Variants in EIF4E1B observed in about 807,000 individuals in gnomAD.
The protein encoded by EIF4E1B is eukaryotic translation initiation factor 4E family member 1B.
EIF4E1B carries 22 observed loss-of-function variants against 31.3 expected under a neutral mutation model. That is an observed-to-expected ratio of 0.70 (90% CI 0.50 to 1.00). The LOEUF (loss-of-function observed/expected upper bound fraction) is 1.00. EIF4E1B is among the 50% of genes least tolerant of loss of function. The pLI, the probability that EIF4E1B is intolerant of heterozygous loss-of-function variation, is 0.00. For missense variants in EIF4E1B, 290 were observed against 311.6 expected (o/e 0.93, Z 0.52); for synonymous variants, 126 against 120.2 (o/e 1.05, Z -0.31).
At chr5:176,633,685 A>G (rs1340521344) in intron 1 of EIF4E1B, among the ~76,000 whole-genome samples, 3 of 152,184 alleles carry the variant, frequency 2.0e-5, no homozygotes, top group Non-Finnish European at 4.4e-5. Context: ...CTTGGGATTA[A>G]GAACTCCTGA....
chr5:176,631,265 A>G (rs1394886351), intron 1 of EIF4E1B, among the ~76,000 whole-genome samples: 1 of 152,258 alleles, frequency 6.6e-6, no homozygotes, highest in Non-Finnish European at 1.5e-5. Context: ...CTGACAAAAG[A>G]CAGCGCAGCT....
In EIF4E1B at chr5:176,646,222, A is replaced by C; in HGVS notation, c.*242A>C. The stretch of plus-strand genomic sequence containing the variant: ...ACAGGACAGCAGCAGGGTGGAAAAA[A>C]CTCCTGAGGGTGGGGTGAGTCATGG... On this transcript the variant is annotated 3_prime_UTR_variant, in exon 9 of 9. Transcript: ENST00000318682. 6 of 431,416 alleles carry C rather than the reference A, an allele frequency of 1.4e-5. No individual in the cohort carries two copies. The highest frequency in any genetic ancestry group is 8.1e-5 in the South Asian group (2 of 24,638). 26.7% of individuals were successfully genotyped at this position (431,416 alleles called of 1,614,324 possible). A position where few individuals can be genotyped will look rare whatever the true frequency, so the allele number is the denominator to read the frequency against.
rs746178693 is a variant in EIF4E1B, at chr5:176,645,847, G to C, written c.615-19G>C. On this transcript the variant is annotated intron_variant, in intron 8 of 8. Transcript: ENST00000318682. This position sits in a 1 kb window ranked among gnomAD's most constrained non-coding sequence, Gnocchi z 5.4. ...TGACTACCTGTGTCTCTTTTCCTCTGTGTCCCCCGCACCTGCAGGCGTGTA... is the reference window on the plus strand; with the variant it reads ...TGACTACCTGTGTCTCTTTTCCTCTCTGTCCCCCGCACCTGCAGGCGTGTA... The C allele has an allele frequency of 2.3e-5, 35 of 1,552,858 alleles. No homozygotes were observed. Among genetic ancestry groups the C allele is most frequent in the African/African-American group, 1.1e-4 (8 of 72,768 alleles).
rs2113449338 is a variant in EIF4E1B, at chr5:176,645,094, C to T, written c.361-36C>T. On this transcript the variant is annotated intron_variant, in intron 6 of 8. Coordinates refer to ENST00000318682, the MANE Select transcript of EIF4E1B (RefSeq NM_001099408.2). This position sits in a 1 kb window ranked among gnomAD's most constrained non-coding sequence, Gnocchi z 5.4. Reference sequence around the variant, plus strand: ...GGGTGGGTCCCCATTTCCCTTTGAACACAGGGAGGCAGTTGACTTGCCATC... The same window carrying T: ...GGGTGGGTCCCCATTTCCCTTTGAATACAGGGAGGCAGTTGACTTGCCATC... 1 of 1,531,338 alleles carries T rather than the reference C, an allele frequency of 6.5e-7. No individual in the cohort carries two copies. Among genetic ancestry groups the T allele is most frequent in the Non-Finnish European group, 8.8e-7 (1 of 1,131,214 alleles). 94.9% of individuals were successfully genotyped at this position (1,531,338 alleles called of 1,614,324 possible). A position where few individuals can be genotyped will look rare whatever the true frequency, so the allele number is the denominator to read the frequency against.
In EIF4E1B at chr5:176,642,666, G is replaced by A. The variant is rs1189050651; in HGVS notation, c.-78-44G>A. On this transcript the variant is annotated intron_variant, in intron 2 of 8. Transcript: ENST00000318682. ...TCACCCTCCACGGGATGCAGACCTT[G>A]CTTTCCCTTCGAGCAGGCTCCAAAT... is the stretch of plus-strand genomic sequence containing the variant. 5 of 1,472,954 alleles carry A rather than the reference G, an allele frequency of 3.4e-6. No individual in the cohort carries two copies. The African/African-American group carries it at 5.6e-5, about 17-fold the overall frequency. 91.2% of individuals were successfully genotyped at this position (1,472,954 alleles called of 1,614,324 possible). A position where few individuals can be genotyped will look rare whatever the true frequency, so the allele number is the denominator to read the frequency against.
Position 176,642,622 on chromosome 5 carries a change from T to C in EIF4E1B, c.-78-88T>C, listed in dbSNP as rs55652220. ...TCTGCTTCTGCCATCGGCAGGGCCGTCCACCTCACATTCTGGGGTCACCCT... is the reference window on the plus strand; with the variant it reads ...TCTGCTTCTGCCATCGGCAGGGCCGCCCACCTCACATTCTGGGGTCACCCT... On this transcript the variant is annotated intron_variant, in intron 2 of 8. Transcript: ENST00000318682. 2.6e-3 allele frequency: 3,008 copies of C among 1,152,134 alleles called. 64 individuals carry two copies. In the African/African-American group the frequency reaches 0.042, roughly 16 times the overall value. 71.4% of individuals were successfully genotyped at this position (1,152,134 alleles called of 1,614,324 possible). A position where few individuals can be genotyped will look rare whatever the true frequency, so the allele number is the denominator to read the frequency against.
chr5:176,644,239 A>C, intron 5 of EIF4E1B, 137 bp from the exon 6 acceptor site: 1 of 837,964 alleles, frequency 1.2e-6, no homozygotes. Flanking sequence ...ACGGGAGTGG[A>C]ATCCCAGGTG....
At chr5:176,641,994 C>A (rs1276979829) in intron 1 of EIF4E1B, 49 bp from the exon 2 acceptor site, 1 of 152,496 alleles carries the variant, frequency 6.6e-6, no homozygotes, top group Non-Finnish European at 1.5e-5. Context: ...TCATTTAATA[C>A]CCTCAACAAG....
intron 1 of EIF4E1B, among the ~76,000 whole-genome samples, chr5:176,631,278 A>AG (rs1168545960): frequency 1.3e-5 from 2 of 152,256 alleles, no homozygotes; most frequent in African/African-American, 4.8e-5. Context: ...GCGCAGCTGG[A>AG]GAGCCAGGAT....
intron 1 of EIF4E1B, 76 bp from the exon 2 acceptor site, chr5:176,641,967 G>T (rs372090381): frequency 2.0e-5 from 3 of 152,710 alleles, no homozygotes; most frequent in African/African-American, 7.2e-5. Context: ...TGTTCTACGG[G>T]TTCTATGTGT....
chr5:176,633,978 C>T lies in EIF4E1B; in HGVS notation c.-202+2914C>T, dbSNP rs537357325. Among the ~76,000 whole-genome samples the T allele has an allele frequency of 8.5e-5, 13 of 152,206 alleles. No individual in the cohort carries two copies. The South Asian group carries it at 2.5e-3, about 29-fold the overall frequency. On this transcript the variant is annotated intron_variant, in intron 1 of 8. Transcript: ENST00000318682. ...GCCTGAACTACAGAAGCCCGGGTGA[C>T]GCTGGAGCAGGGCTGGAAGGAGAGA...
intron 4 of EIF4E1B, 130 bp from the exon 5 acceptor site, chr5:176,643,509 G>A: frequency 2.1e-6 from 2 of 931,834 alleles, no homozygotes; most frequent in Non-Finnish European, 3.3e-6. Flanking sequence ...CCTGAGAGGG[G>A]AATGCTGTGC....
rs112903880 is a variant in EIF4E1B at position 176,644,360 on chromosome 5, C to G, written c.297-16C>G. Reference sequence around the variant, plus strand: ...AAAGCCTTGACTTTTGGCATGGGGTCGGGGGCTCTGTCCAGGCTATACAGT... The same window carrying G: ...AAAGCCTTGACTTTTGGCATGGGGTGGGGGGCTCTGTCCAGGCTATACAGT... On this transcript the variant is annotated splice_polypyrimidine_tract_variant and intron_variant, in intron 5 of 8. Transcript: ENST00000318682. 204 of 1,580,124 alleles carry G rather than the reference C, an allele frequency of 1.3e-4. No homozygotes were observed. In the African/African-American group the frequency reaches 2.5e-3, roughly 19 times the overall value.
At position 176,643,187 on chromosome 5, in the gene EIF4E1B, A is replaced by T. The variant is rs1234279209; in HGVS notation, c.121A>T (p.Thr41Ser). The T allele has an allele frequency of 6.2e-6, 10 of 1,613,716 alleles. No individual in the cohort carries two copies. Among genetic ancestry groups the T allele is most frequent in the Non-Finnish European group, 8.5e-6 (10 of 1,179,874 alleles). The change falls in exon 4 of 9, where the codon ACT (threonine) becomes TCT (serine). Residue 41 changes from threonine to serine, a missense_variant. Coordinates refer to ENST00000318682, the MANE Select transcript of EIF4E1B (RefSeq NM_001099408.2). The stretch of plus-strand genomic sequence containing the variant: ...AGAAAAGTCTCCAAACTCTCCCAGG[A>T]CTTTGCTGTCTCTGAGAGGGAAGGC... ...TGEKSPNSPR[T>S]LLSLRGKART...
chr5:176,644,686 C>T, intron 6 of EIF4E1B: 1 of 533,356 alleles, frequency 1.9e-6, no homozygotes, highest in Non-Finnish European at 3.3e-6. Context: ...GACCTGGCTC[C>T]TTAACTAGGG....
chr5:176,642,925 G>C (rs1216740829), intron 3 of EIF4E1B, 123 bp downstream of exon 3: 3 of 1,439,380 alleles, frequency 2.1e-6, no homozygotes, highest in African/African-American at 3.1e-5. Flanking sequence ...GGGCTTTTCA[G>C]ATGCTGGGTC....
At chr5:176,641,435 C>T (rs75793712) in intron 1 of EIF4E1B, among the ~76,000 whole-genome samples, 55 of 152,348 alleles carry the variant, frequency 3.6e-4, no homozygotes, top group African/African-American at 1.2e-3. Flanking sequence ...GATGAGCAAG[C>T]CGTGCAGGTG....
Position 176,640,668 on chromosome 5 carries a change from A to G in EIF4E1B, c.-201-1375A>G, listed in dbSNP as rs927530155. On this transcript the variant is annotated intron_variant, in intron 1 of 8. Transcript: ENST00000318682. ...GGTTCTGTTTCCTACACAGCAATCCAGAGAACCTGCTGAAAAGCATATCTG... is the reference window on the plus strand; with the variant it reads ...GGTTCTGTTTCCTACACAGCAATCCGGAGAACCTGCTGAAAAGCATATCTG... Among the ~76,000 whole-genome samples, 5 of 152,292 alleles carry G rather than the reference A, an allele frequency of 3.3e-5. No homozygotes were observed. The East Asian group carries it at 7.7e-4, about 24-fold the overall frequency.
chr5:176,634,665 T>A (rs1405384403), intron 1 of EIF4E1B, among the ~76,000 whole-genome samples: 2 of 137,980 alleles, frequency 1.4e-5, no homozygotes, highest in South Asian at 2.6e-4. Context: ...TGAAGTTTTT[T>A]TTTTTTTCTT....
Sources: gnomAD v4.1 joint callset for allele counts (sites outside exome capture counted in the v4.1 genomes callset) on GRCh38, gnomAD v4.1.1 for gene constraint, Gnocchi (gnomAD v3.1) non-coding constraint, MANE v1.5 for transcripts, NCBI Gene and HGNC (gene_info 2026-07-23, HGNC 2026-07-21) for gene names.